RASSF3: variants seen among roughly 807,000 people sequenced by gnomAD.
RASSF3 encodes Ras association domain family member 3.
A neutral mutation model predicts 19.9 loss-of-function variants in RASSF3; 19 were observed. The ratio of observed to expected loss-of-function variants is 0.96; its 90% CI spans 0.67 to 1.40. RASSF3 has a LOEUF of 1.40. Ranked by LOEUF, RASSF3 falls within the 40% of genes most tolerant of loss-of-function variation. The probability of loss-of-function intolerance (pLI) is 0.00; values close to 1 mark genes in which losing one functional copy is unlikely to be tolerated. For synonymous variants in RASSF3, 110 were observed against 104.2 expected (o/e 1.06, Z -0.34); for missense variants, 306 against 289.8 (o/e 1.06, Z -0.41).
At chr12:64,544,258 T>G (rs1005366454), downstream of RASSF3, among the ~76,000 whole-genome samples, 6 of 151,080 alleles carry the variant, frequency 4.0e-5, no homozygotes, top group Non-Finnish European at 5.9e-5. Flanking sequence ...AATGAACAAC[T>G]CCAGACGCAC....
At chr12:64,684,739 C>T in intron 1 of RASSF3, 48 bp from the exon 2 acceptor site, 1 of 1,393,356 alleles carries the variant, frequency 7.2e-7, no homozygotes, top group Non-Finnish European at 1.0e-6. Flanking sequence ...CCTATCCGCA[C>T]TTTTTTTTAT....
chr12:64,516,574 C>A lies in RASSF3; in HGVS notation c.169+9245C>A, dbSNP rs371750371. Among the ~76,000 whole-genome samples, 46 of 149,200 alleles carry A rather than the reference C, an allele frequency of 3.1e-4. 1 individual carries two copies. The South Asian group carries it at 6.2e-3, about 20-fold the overall frequency. On this transcript the variant is annotated intron_variant, in intron 1 of 5. Coordinates refer to the RASSF3 transcript ENST00000637125. ...GCGGAGCTTGCAGTGAGCCGAGATC[C>A]CGCCACTGCACTCCAGCCTGGGCGA...
chr12:64,633,442 T>C (rs1871229581), intron 1 of RASSF3, among the ~76,000 whole-genome samples: 1 of 152,126 alleles, frequency 6.6e-6, no homozygotes, highest in South Asian at 2.1e-4. Context: ...AAAAAGAGCC[T>C]GGCACCTCCT....
At chr12:64,636,261 T>C (rs906067224) in intron 1 of RASSF3, among the ~76,000 whole-genome samples, 10 of 151,932 alleles carry the variant, frequency 6.6e-5, no homozygotes, top group African/African-American at 1.2e-4. Flanking sequence ...ATTGCAAGCA[T>C]GCACCACCAC....
At chr12:64,613,334 T>C (rs1399054461) in intron 1 of RASSF3, among the ~76,000 whole-genome samples, 1 of 151,516 alleles carries the variant, frequency 6.6e-6, no homozygotes, top group Non-Finnish European at 1.5e-5. Context: ...AAGGATCTAT[T>C]AGAGATACAG....
At chr12:64,689,725 G>T (rs1037194904) in intron 3 of RASSF3, among the ~76,000 whole-genome samples, 4 of 151,128 alleles carry the variant, frequency 2.6e-5, no homozygotes, top group Admixed American at 2.0e-4. Context: ...GACATATATA[G>T]CTGTGCTTGA....
chr12:64,547,555 G>A (rs948506910), intron 2 of RASSF3, among the ~76,000 whole-genome samples: 1 of 151,952 alleles, frequency 6.6e-6, no homozygotes, highest in Non-Finnish European at 1.5e-5. Flanking sequence ...AACAGAGTGA[G>A]ACTCCGTCTC....
chr12:64,649,158 A>G lies in RASSF3; in HGVS notation c.112-35629A>G, dbSNP rs151143939. Reference sequence around the variant, plus strand: ...GCTTGGTCTGACCCTGGAGCTTCTAATTGGTGTTCTTGGGGTCTCAGCAGC... The same window carrying G: ...GCTTGGTCTGACCCTGGAGCTTCTAGTTGGTGTTCTTGGGGTCTCAGCAGC... On this transcript the variant is annotated intron_variant, in intron 1 of 4. Transcript: ENST00000542104. 7.1e-4 allele frequency among the ~76,000 whole-genome samples: 107 copies of G among 149,896 alleles called. 1 individual carries two copies. The highest frequency in any genetic ancestry group is 1.5e-4 in the Non-Finnish European group (10 of 67,598).
At chr12:64,558,964 A>G (rs1869300119) in intron 2 of RASSF3, among the ~76,000 whole-genome samples, 1 of 152,022 alleles carries the variant, frequency 6.6e-6, no homozygotes, top group South Asian at 2.1e-4. Flanking sequence ...ACCGTGCTCT[A>G]CTGTCTCACA....
At position 64,696,106 on chromosome 12, in the gene RASSF3, C is replaced by CCTACCTCACTCA. The variant is rs1868355762; in HGVS notation, c.*1196_*1197insACCTCACTCACT. 1 of 124,600 alleles carries CCTACCTCACTCA rather than the reference C, an allele frequency of 8.0e-6. No individual in the cohort carries two copies. The highest frequency in any genetic ancestry group is 1.7e-5 in the Non-Finnish European group (1 of 59,164). The allele number at this position is 124,600 out of a possible 1,614,324, so 7.7% of individuals were successfully genotyped here. ...CTTTTCCTCCCTCCCTCCCTCCCTC[C>CCTACCTCACTCA]CTCCCTCCCTCCCTCCTTCCCTCCC... On this transcript the variant is annotated 3_prime_UTR_variant, in exon 5 of 5. Coordinates refer to ENST00000542104, the MANE Select transcript of RASSF3 (RefSeq NM_178169.4).
intron 2 of RASSF3, among the ~76,000 whole-genome samples, chr12:64,565,533 C>T (rs950836245): frequency 3.3e-5 from 5 of 151,882 alleles, no homozygotes; most frequent in Admixed American, 1.3e-4. Flanking sequence ...GCCAACATGG[C>T]GAAACCCCGT....
At chr12:64,688,710 G>T (rs1285917550) in intron 3 of RASSF3, among the ~76,000 whole-genome samples, 1 of 152,112 alleles carries the variant, frequency 6.6e-6, no homozygotes, top group Admixed American at 6.6e-5. Flanking sequence ...TGTGGTGTTG[G>T]TGGGGGGATG....
intron 2 of RASSF3, among the ~76,000 whole-genome samples, chr12:64,592,073 G>C (rs1869935394): frequency 6.6e-6 from 1 of 151,860 alleles, no homozygotes; most frequent in South Asian, 2.1e-4. Context: ...GCTAATTTTT[G>C]TAATTTTTGT....
At chr12:64,599,208 T>TA (rs1469442479) in intron 2 of RASSF3, 1 of 152,282 alleles carries the variant, frequency 6.6e-6, no homozygotes. Flanking sequence ...GCTCTGCTTC[T>TA]AGAAGCCCCT....
chr12:64,560,802 C>A (rs778648826), intron 2 of RASSF3, among the ~76,000 whole-genome samples: 1 of 152,084 alleles, frequency 6.6e-6, no homozygotes. Context: ...GGAGAGGAGC[C>A]GAAATAGGCA....
chr12:64,562,761 C>T (rs552857782), intron 2 of RASSF3, among the ~76,000 whole-genome samples: 20 of 152,226 alleles, frequency 1.3e-4, no homozygotes, highest in African/African-American at 4.6e-4. Context: ...GCTAGGACTA[C>T]AGGTGTATGC....
chr12:64,641,637 CTTTT>C (rs772275438), intron 1 of RASSF3, among the ~76,000 whole-genome samples: 1 of 48,162 alleles, frequency 2.1e-5, no homozygotes, highest in Non-Finnish European at 5.5e-5. Flanking sequence ...CTCTCTCTCT[CTTTT>C]TTTTTTTTTT....
intron 1 of RASSF3, among the ~76,000 whole-genome samples, chr12:64,520,978 G>T (rs1868466955): frequency 6.6e-6 from 1 of 152,122 alleles, no homozygotes; most frequent in African/African-American, 2.4e-5. Context: ...AGAGAGAGAA[G>T]GTGAATGGAC....
At chr12:64,682,403 C>G (rs535645221) in intron 1 of RASSF3, among the ~76,000 whole-genome samples, 12 of 152,120 alleles carry the variant, frequency 7.9e-5, no homozygotes, top group African/African-American at 2.9e-4. Context: ...AACCCCGTCT[C>G]TACTAAAAAT....
Sources: allele counts gnomAD v4.1 joint callset (sites outside exome capture counted in the v4.1 genomes callset), GRCh38; gene constraint gnomAD v4.1.1; transcripts MANE v1.5; gene names NCBI Gene and HGNC (gene_info 2026-07-23, HGNC 2026-07-21).